RAB9B: variants seen among roughly 807,000 people sequenced by gnomAD.
The protein encoded by RAB9B is RAB9B, member RAS oncogene family.
In RAB9B, 1 loss-of-function variant was observed where a neutral mutation model predicts 8.9. The ratio of observed to expected loss-of-function variants is 0.11; its 90% CI spans 0.04 to 0.53. The LOEUF (loss-of-function observed/expected upper bound fraction) is 0.53. Ranked by LOEUF, RAB9B falls within the 20% of genes least tolerant of loss-of-function variation. The pLI is 0.93. For synonymous variants in RAB9B, 63 were observed against 57.0 expected (o/e 1.10, Z -0.47); for missense variants, 82 against 152.9 (o/e 0.54, Z 2.45).
Position 103,824,206 on chromosome X carries a change from G to C in RAB9B, c.*973C>G, listed in dbSNP as rs184078614. On this transcript the variant is annotated 3_prime_UTR_variant, in exon 3 of 3. Coordinates refer to ENST00000243298, the MANE Select transcript of RAB9B (RefSeq NM_016370.4). Reference sequence around the variant, plus strand: ...ATACAGTGCAACATATAAGAAACCAGTTCCTTCTTCTGCAATAAATATTTG... The same window carrying C: ...ATACAGTGCAACATATAAGAAACCACTTCCTTCTTCTGCAATAAATATTTG... 3 of 112,168 alleles carry C rather than the reference G, an allele frequency of 2.7e-5. No homozygotes were observed. In the East Asian group the frequency reaches 8.4e-4, roughly 31 times the overall value. 9.2% of individuals were successfully genotyped at this position (112,168 alleles called of 1,213,427 possible).
chrX:103,779,410 A>G, the RAB9B span, among the ~76,000 whole-genome samples: 1 of 111,955 alleles, frequency 8.9e-6, no homozygotes, highest in Non-Finnish European at 1.9e-5. Context: ...GTCCAGTTTT[A>G]TAAAATGCCC....
At chrX:103,814,712 GA>G in the RAB9B span, among the ~76,000 whole-genome samples, 2 of 111,506 alleles carry the variant, frequency 1.8e-5, no homozygotes, top group East Asian at 5.6e-4. Context: ...AAGAAGAAAA[GA>G]GAGAAGAATC....
the RAB9B span, among the ~76,000 whole-genome samples, chrX:103,783,665 T>A: frequency 1.8e-3 from 206 of 112,229 alleles, 2 homozygotes; most frequent in East Asian, 0.021. Context: ...TAGGTATTCA[T>A]GCTCTCTGGG....
At chrX:103,799,042 A>G in the RAB9B span, among the ~76,000 whole-genome samples, 1 of 107,917 alleles carries the variant, frequency 9.3e-6, no homozygotes, top group Non-Finnish European at 1.9e-5. Context: ...ATATAATTTT[A>G]TACTTTTAAG....
the RAB9B span, among the ~76,000 whole-genome samples, chrX:103,811,420 C>G: frequency 4.5e-5 from 5 of 111,636 alleles, no homozygotes; most frequent in Non-Finnish European, 9.4e-5. Flanking sequence ...AATAATAACC[C>G]TTAGTTTTTC....
chrX:103,781,177 C>T, the RAB9B span: 3 of 245,574 alleles, frequency 1.2e-5, no homozygotes, highest in Non-Finnish European at 2.4e-5. Flanking sequence ...CACTGAATTT[C>T]CATCATGGAG....
chrX:103,786,871 A>G, the RAB9B span: 3 of 625,272 alleles, frequency 4.8e-6, no homozygotes, highest in South Asian at 7.7e-5. Flanking sequence ...CCGAACGAGA[A>G]GGTCAGGAAG....
downstream of RAB9B, among the ~76,000 whole-genome samples, chrX:103,817,461 G>C (rs150417295): frequency 1.0e-4 from 11 of 110,292 alleles, no homozygotes; most frequent in East Asian, 3.1e-3. Flanking sequence ...GATAACATTA[G>C]GAGAACTACC....
chrX:103,815,267 G>C, the RAB9B span, among the ~76,000 whole-genome samples: 1 of 112,108 alleles, frequency 8.9e-6, no homozygotes, highest in African/African-American at 3.2e-5. Context: ...TTCATCCCTG[G>C]GATGCAAGGC....
chrX:103,825,656 C>T lies in RAB9B; in HGVS notation c.129G>A (p.Glu43=), dbSNP rs1017721146. The T allele has an allele frequency of 2.5e-6, 3 of 1,209,047 alleles. No individual in the cohort carries two copies. Residue 43 remains glutamate, a synonymous_variant, in exon 3 of 3, where the codon GAG becomes GAA. Transcript: ENST00000243298. ...DSQAFHTIGV[E]FLNRDLEVDG... Reference sequence around the variant, plus strand: ...CTACCTCCAGATCTCGATTTAAGAACTCTACCCCTATGGTGTGAAAAGCCT... The same window carrying T: ...CTACCTCCAGATCTCGATTTAAGAATTCTACCCCTATGGTGTGAAAAGCCT...
chrX:103,801,169 C>G, the RAB9B span, among the ~76,000 whole-genome samples: 2 of 110,765 alleles, frequency 1.8e-5, no homozygotes, highest in Admixed American at 9.6e-5. Flanking sequence ...TTCCTGTTAC[C>G]GTGGACACTC....
chrX:103,800,626 T>C, the RAB9B span, among the ~76,000 whole-genome samples: 1 of 111,972 alleles, frequency 8.9e-6, no homozygotes, highest in African/African-American at 3.2e-5. Context: ...TGAATTAACA[T>C]CTTCTCTCAA....
At chrX:103,800,342 A>ACATT in the RAB9B span, among the ~76,000 whole-genome samples, 3 of 111,053 alleles carry the variant, frequency 2.7e-5, no homozygotes, top group Non-Finnish European at 5.7e-5. Context: ...GGGGCAGAAC[A>ACATT]CATTCATTGC....
At chrX:103,805,814 C>T in the RAB9B span, among the ~76,000 whole-genome samples, 1 of 111,292 alleles carries the variant, frequency 9.0e-6, no homozygotes, top group African/African-American at 3.3e-5. Context: ...TGTAAGTCAA[C>T]TCTTGTCTCT....
intron 1 of RAB9B, among the ~76,000 whole-genome samples, chrX:103,828,018 TA>T (rs2074690201): frequency 8.9e-6 from 1 of 112,020 alleles, no homozygotes; most frequent in South Asian, 3.7e-4. Context: ...TTATTAAATT[TA>T]AATATACATT....
In RAB9B at chrX:103,825,809, G is replaced by A; in HGVS notation, c.-25C>T. On this transcript the variant is annotated 5_prime_UTR_variant, in exon 3 of 3. Transcript: ENST00000243298. The stretch of plus-strand genomic sequence containing the variant: ...TTTTTGCAGCACCAGAAGGGAAGGA[G>A]TTTGTAACCAAGAGAACCTGAAAAT... 8.8e-7 allele frequency: 1 copy of A among 1,136,269 alleles called. No individual in the cohort carries two copies. The highest frequency in any genetic ancestry group is 1.2e-6 in the Non-Finnish European group (1 of 856,401). 93.6% of individuals were successfully genotyped at this position (1,136,269 alleles called of 1,213,427 possible).
chrX:103,779,399 G>A, the RAB9B span, among the ~76,000 whole-genome samples: 1 of 111,686 alleles, frequency 9.0e-6, no homozygotes, highest in African/African-American at 3.3e-5. Flanking sequence ...GCAGAGCGGG[G>A]GTCCAGTTTT....
chrX:103,786,821 C>G, the RAB9B span: 1 of 934,452 alleles, frequency 1.1e-6, no homozygotes, highest in South Asian at 2.0e-5. Context: ...TGGGTCCTCT[C>G]TAGGGGCCTG....
the RAB9B span, chrX:103,785,600 C>G: frequency 8.3e-7 from 1 of 1,209,890 alleles, no homozygotes. Flanking sequence ...GAGTGCTGTG[C>G]AAGATGTCTG....
Sources: gnomAD v4.1 joint callset for allele counts (sites outside exome capture counted in the v4.1 genomes callset) on GRCh38, gnomAD v4.1.1 for gene constraint, MANE v1.5 for transcripts, NCBI Gene and HGNC (gene_info 2026-07-23, HGNC 2026-07-21) for gene names.